Variants in ASH1L observed in about 807,000 individuals in gnomAD.
ASH1L encodes ASH1 like histone lysine methyltransferase.
In ASH1L, 23 loss-of-function variants were observed where a neutral mutation model predicts 269.0. The ratio of observed to expected loss-of-function variants is 0.09; its 90% CI spans 0.06 to 0.12. The LOEUF (loss-of-function observed/expected upper bound fraction) is 0.12. Among genes scored for constraint, ASH1L ranks in the 10% least tolerant of loss-of-function variants. The pLI, the probability that ASH1L is intolerant of heterozygous loss-of-function variation, is 1.00. For missense variants in ASH1L, 2,912 were observed against 3,567.8 expected (o/e 0.82, Z 4.68); for synonymous variants, 1,187 against 1,253.5 (o/e 0.95, Z 1.12).
At chr1:155,431,098 C>G (rs1339204560) in intron 5 of ASH1L, among the ~76,000 whole-genome samples, 1 of 152,102 alleles carries the variant, frequency 6.6e-6, no homozygotes, top group East Asian at 1.9e-4. Flanking sequence ...GTAATCCCAG[C>G]TACTCCAGAG....
chr1:155,494,738 C>A (rs867903413), intron 2 of ASH1L, among the ~76,000 whole-genome samples: 1 of 152,066 alleles, frequency 6.6e-6, no homozygotes, highest in African/African-American at 2.4e-5. Flanking sequence ...ACTTACTAAA[C>A]ATCAAAGTAG....
chr1:155,549,088 T>G (rs1671022215), intron 1 of ASH1L, among the ~76,000 whole-genome samples: 1 of 152,218 alleles, frequency 6.6e-6, no homozygotes, highest in Admixed American at 6.5e-5. Context: ...TTACATTGTA[T>G]TAGGTATTAT....
At chr1:155,399,009 C>T (rs574853180) in intron 6 of ASH1L, among the ~76,000 whole-genome samples, 4 of 152,132 alleles carry the variant, frequency 2.6e-5, no homozygotes, top group East Asian at 1.9e-4. Context: ...CTAGGATTAC[C>T]GGTGTGAGCC....
rs1189471857 is a variant in ASH1L at position 155,562,788 on chromosome 1, C to T, written c.-735G>A. 1 of 725,566 alleles carries T rather than the reference C, an allele frequency of 1.4e-6. No homozygotes were observed. The highest frequency in any genetic ancestry group is 2.3e-6 in the Non-Finnish European group (1 of 427,992). 44.9% of individuals were successfully genotyped at this position (725,566 alleles called of 1,614,324 possible). On this transcript the variant is annotated 5_prime_UTR_variant, in exon 1 of 28. Coordinates refer to ENST00000392403, the MANE Select transcript of ASH1L (RefSeq NM_018489.3). ...AGGCCCTCACGCGTACCTTCAACGG[C>T]GCAAGCCCAAGCCTCCTCCTCCTCC...
chr1:155,365,674 G>A (rs984501531), intron 12 of ASH1L, among the ~76,000 whole-genome samples: 2 of 152,174 alleles, frequency 1.3e-5, no homozygotes, highest in African/African-American at 4.8e-5. Context: ...GGAATGGAGT[G>A]CTTTCTATTA....
intron 1 of ASH1L, among the ~76,000 whole-genome samples, chr1:155,543,386 C>T (rs1467622327): frequency 1.3e-5 from 2 of 151,470 alleles, no homozygotes; most frequent in Non-Finnish European, 2.9e-5. Context: ...TGGCAGGTGC[C>T]TGTCGTCCCA....
chr1:155,404,217 T>C (rs910600902), intron 6 of ASH1L, among the ~76,000 whole-genome samples: 1 of 151,894 alleles, frequency 6.6e-6, no homozygotes, highest in African/African-American at 2.4e-5. Context: ...TAGTCCAGTG[T>C]GGTGGCATGT....
At chr1:155,377,964 A>C (rs1295221769) in intron 10 of ASH1L, among the ~76,000 whole-genome samples, 1 of 151,858 alleles carries the variant, frequency 6.6e-6, no homozygotes, top group Non-Finnish European at 1.5e-5. Context: ...CGGAGCTTGC[A>C]GTGAGCCGAG....
chr1:155,463,522 G>A (rs898264922), intron 3 of ASH1L, among the ~76,000 whole-genome samples: 39 of 152,272 alleles, frequency 2.6e-4, no homozygotes, highest in Admixed American at 2.0e-3. Context: ...GGCAGGTGTG[G>A]GGGCTCATGC....
At chr1:155,488,132 G>T (rs60881067) in intron 2 of ASH1L, among the ~76,000 whole-genome samples, 1 of 148,598 alleles carries the variant, frequency 6.7e-6, no homozygotes, top group African/African-American at 2.5e-5. Context: ...TGATCCACCC[G>T]CCTCAGCCTC....
intron 13 of ASH1L, among the ~76,000 whole-genome samples, chr1:155,359,884 T>C (rs943190348): frequency 1.3e-5 from 2 of 150,378 alleles, no homozygotes; most frequent in African/African-American, 2.4e-5. Context: ...TGACCTCCCA[T>C]ATACTTTTTT....
intron 15 of ASH1L, among the ~76,000 whole-genome samples, chr1:155,357,078 TACACACACACACACACAC>T (rs61213200): frequency 1.3e-4 from 7 of 53,070 alleles, no homozygotes; most frequent in Non-Finnish European, 2.3e-4. Flanking sequence ...ATCCCAGCTC[TACACACACACACACACAC>T]ACACACACAC....
At chr1:155,376,989 C>T (rs551323219) in intron 10 of ASH1L, among the ~76,000 whole-genome samples, 1,635 of 151,668 alleles carry the variant, frequency 0.011, 10 homozygotes, top group Non-Finnish European at 0.017. Context: ...CTCACTGCAA[C>T]CTCTGCCTCC....
At chr1:155,524,611 T>A (rs989541868) in intron 1 of ASH1L, among the ~76,000 whole-genome samples, 5 of 151,150 alleles carry the variant, frequency 3.3e-5, no homozygotes, top group Non-Finnish European at 5.9e-5. Context: ...AGTGGGAGGA[T>A]CGCTTTAGCC....
At chr1:155,521,724 A>G (rs181777096) in intron 1 of ASH1L, 106 bp from the exon 2 acceptor site, 163 of 462,402 alleles carry the variant, frequency 3.5e-4, no homozygotes, top group African/African-American at 2.9e-3. Flanking sequence ...TACCCAAAAA[A>G]AAATCACAGT....
At chr1:155,377,753 G>A (rs745380517) in intron 10 of ASH1L, among the ~76,000 whole-genome samples, 6 of 152,124 alleles carry the variant, frequency 3.9e-5, no homozygotes, top group Non-Finnish European at 5.9e-5. Context: ...GGCTGGGCGC[G>A]GTGGCTCACG....
chr1:155,553,985 T>C lies in ASH1L; in HGVS notation c.-100+8168A>G, dbSNP rs555798242. On this transcript the variant is annotated intron_variant, in intron 1 of 27. Transcript: ENST00000392403. ...CTAATTTTTGTATTTTTAGTGGAGA[T>C]GGGGTTTCACCATGTTGGCCAGGCT... Among the ~76,000 whole-genome samples the C allele has an allele frequency of 1.7e-4, 26 of 151,364 alleles. 1 individual carries two copies. Among genetic ancestry groups the C allele is most frequent in the African/African-American group, 5.8e-4 (24 of 41,286 alleles).
In ASH1L at chr1:155,357,355, G is replaced by C. The variant is rs1278493438; in HGVS notation, c.7016C>G (p.Thr2339Ser). ...SENINTPTRL[T>S]PQLQMKPMSN... ...CATTGGCTTCATCTGTAATTGGGGG[G>C]TCAATCTAGTTGGGGTGTTGATATT... Residue 2339 changes from threonine (T) to serine (S), a missense_variant, in exon 15 of 28, where the codon ACC (threonine) becomes AGC (serine). Physicochemically the swap from Thr to Ser is moderately conservative, Grantham distance 58 (BLOSUM62 1). This residue lies in a region of ASH1L where 309 missense variants were observed against 435.1 expected (regional missense o/e 0.71). Transcript: ENST00000392403. 1 of 1,613,814 alleles carries C rather than the reference G, an allele frequency of 6.2e-7. No homozygotes were observed.
intron 7 of ASH1L, among the ~76,000 whole-genome samples, chr1:155,383,143 A>G (rs1194549003): frequency 6.6e-6 from 1 of 152,260 alleles, no homozygotes; most frequent in Non-Finnish European, 1.5e-5. Context: ...TTCATGTTTA[A>G]AGCTAAGTTA....
Sources: allele counts gnomAD v4.1 joint callset (sites outside exome capture counted in the v4.1 genomes callset), GRCh38; gene constraint gnomAD v4.1.1; regional missense constraint gnomAD v4.1.1; transcripts MANE v1.5; gene names NCBI Gene and HGNC (gene_info 2026-07-23, HGNC 2026-07-21).